The following KANSL1 variants were observed in gnomAD, a reference collection of about 807,000 sequenced individuals.
KANSL1 encodes the protein KAT8 regulatory NSL complex subunit 1.
In KANSL1, 22 loss-of-function variants were observed where a neutral mutation model predicts 103.6. That is an observed-to-expected ratio of 0.21 (90% CI 0.15 to 0.30). The LOEUF (loss-of-function observed/expected upper bound fraction) is 0.30. Among genes scored for constraint, KANSL1 ranks in the 10% least tolerant of loss-of-function variants. The pLI, the probability that KANSL1 is intolerant of heterozygous loss-of-function variation, is 1.00. For synonymous variants in KANSL1, 600 were observed against 527.6 expected (o/e 1.14, Z -1.88); for missense variants, 1,337 against 1,399.8 (o/e 0.96, Z 0.72).
intron 3 of KANSL1, among the ~76,000 whole-genome samples, chr17:46,083,443 G>A (rs1429300785): frequency 6.6e-6 from 1 of 152,094 alleles, no homozygotes; most frequent in Non-Finnish European, 1.5e-5. Flanking sequence ...ATCACCTGGG[G>A]AACCTTATCA....
At chr17:46,124,807 AAT>A (rs1228551465) in intron 2 of KANSL1, among the ~76,000 whole-genome samples, 2 of 152,004 alleles carry the variant, frequency 1.3e-5, no homozygotes, top group African/African-American at 4.8e-5. Context: ...CAGAATTAGA[AAT>A]AGAGCCTGAA....
Position 46,098,830 on chromosome 17 carries a change from C to A in KANSL1, c.1290-4129G>T, listed in dbSNP as rs369392919. Among the ~76,000 whole-genome samples the A allele has an allele frequency of 1.2e-4, 19 of 152,336 alleles. No individual in the cohort carries two copies. In the East Asian group the frequency reaches 3.5e-3, roughly 28 times the overall value. ...ATCATCTCCAATGAAAAATGGAAAA[C>A]CACAACTCAAGCGTCCAAGAAGTAT... On this transcript the variant is annotated intron_variant, in intron 2 of 14. Transcript: ENST00000432791.
Position 46,192,842 on chromosome 17 carries a change from G to C in KANSL1, c.-109C>G, listed in dbSNP as rs1327879666. 1 of 154,048 alleles carries C rather than the reference G, an allele frequency of 6.5e-6. No individual in the cohort carries two copies. Among genetic ancestry groups the C allele is most frequent in the Middle Eastern group, 3.2e-3 (1 of 316 alleles). The allele number at this position is 154,048 out of a possible 1,614,324, so 9.5% of individuals were successfully genotyped here. A position where few individuals can be genotyped will look rare whatever the true frequency, so the allele number is the denominator to read the frequency against. ...ACCTACCACGTGATGGAGGAGCGTAGCCCGGGCGGATTCAGCCCCACAAAA... is the reference window on the plus strand; with the variant it reads ...ACCTACCACGTGATGGAGGAGCGTACCCCGGGCGGATTCAGCCCCACAAAA... On this transcript the variant is annotated 5_prime_UTR_variant, in exon 1 of 15. Coordinates refer to ENST00000432791, the MANE Select transcript of KANSL1 (RefSeq NM_015443.4).
At chr17:46,122,053 T>C (rs1419618233) in intron 2 of KANSL1, among the ~76,000 whole-genome samples, 1 of 152,204 alleles carries the variant, frequency 6.6e-6, no homozygotes, top group African/African-American at 2.4e-5. Context: ...TTTCACACGA[T>C]AATAAAGTTG....
At chr17:46,046,219 C>G (rs2077499142) in intron 7 of KANSL1, 1 of 152,190 alleles carries the variant, frequency 6.6e-6, no homozygotes, top group Non-Finnish European at 1.5e-5. Context: ...TCCTTGAGCA[C>G]TAACACTGAA....
At chr17:46,184,246 G>A (rs922672049) in intron 1 of KANSL1, among the ~76,000 whole-genome samples, 10 of 147,354 alleles carry the variant, frequency 6.8e-5, no homozygotes, top group African/African-American at 2.4e-4. Context: ...ATTTTGAAAG[G>A]TGAGGTGGTG....
At chr17:46,107,129 C>A (rs2042600330) in intron 2 of KANSL1, among the ~76,000 whole-genome samples, 1 of 152,220 alleles carries the variant, frequency 6.6e-6, no homozygotes, top group South Asian at 2.1e-4. Flanking sequence ...AAGAGCATCT[C>A]AGACAGGCTC....
chr17:46,182,105 G>C (rs2046822542), intron 1 of KANSL1, among the ~76,000 whole-genome samples: 1 of 152,186 alleles, frequency 6.6e-6, no homozygotes, highest in South Asian at 2.1e-4. Context: ...TCTTTAGCGT[G>C]CTAACTTTAT....
chr17:46,109,529 C>A, intron 2 of KANSL1, among the ~76,000 whole-genome samples: 1 of 151,848 alleles, frequency 6.6e-6, no homozygotes, highest in African/African-American at 2.4e-5. Context: ...AAAAACCACA[C>A]CCCCACCAAA....
intron 2 of KANSL1, among the ~76,000 whole-genome samples, chr17:46,155,125 A>T (rs2045346199): frequency 6.7e-6 from 1 of 150,326 alleles, no homozygotes; most frequent in Non-Finnish European, 1.5e-5. Context: ...TAGGTACAGG[A>T]GGCCCTAATC....
chr17:46,058,741 ACACTCTCTCTCTCTCT>A (rs764110063), intron 6 of KANSL1, among the ~76,000 whole-genome samples: 20,814 of 71,036 alleles, frequency 0.29, 1,653 homozygotes, highest in South Asian at 0.45. Context: ...ACACACACAC[ACACTCTCTCTCTCTCT>A]CTCTCTCTCT....
At chr17:46,127,383 A>G (rs113638513) in intron 2 of KANSL1, among the ~76,000 whole-genome samples, 21,587 of 151,960 alleles carry the variant, frequency 0.14, 2,084 homozygotes, top group Non-Finnish European at 0.22. Context: ...TCAAGTTAGA[A>G]ACAGTTTTAA....
intron 1 of KANSL1, among the ~76,000 whole-genome samples, chr17:46,213,605 G>T (rs1251319597): frequency 1.3e-5 from 2 of 150,766 alleles, no homozygotes; most frequent in Non-Finnish European, 2.9e-5. Flanking sequence ...ACCGTGCCCG[G>T]CCCAAACGTT....
chr17:46,081,437 T>A (rs930498590), intron 4 of KANSL1, among the ~76,000 whole-genome samples: 2 of 152,216 alleles, frequency 1.3e-5, no homozygotes, highest in African/African-American at 4.8e-5. Context: ...ACTTAAATAG[T>A]GGCAAAACTT....
At chr17:46,188,205 T>C (rs1408720190) in intron 1 of KANSL1, among the ~76,000 whole-genome samples, 1 of 152,248 alleles carries the variant, frequency 6.6e-6, no homozygotes, top group African/African-American at 2.4e-5. Flanking sequence ...TCTGATAGCC[T>C]TCAAACGCTG....
intron 1 of KANSL1, among the ~76,000 whole-genome samples, chr17:46,191,919 C>A (rs2047349529): frequency 6.7e-6 from 1 of 150,260 alleles, no homozygotes; most frequent in South Asian, 2.1e-4. Flanking sequence ...AACTCCAGCC[C>A]CTACGAGTTG....
At chr17:46,085,154 A>G (rs186999214) in intron 3 of KANSL1, among the ~76,000 whole-genome samples, 38 of 152,320 alleles carry the variant, frequency 2.5e-4, no homozygotes, top group Non-Finnish European at 3.5e-4. Flanking sequence ...GTTTCAATGA[A>G]TGTGAAGCTG....
chr17:46,124,258 T>C (rs2043416448), intron 2 of KANSL1, among the ~76,000 whole-genome samples: 1 of 152,234 alleles, frequency 6.6e-6, no homozygotes, highest in Admixed American at 6.5e-5. Context: ...AAACAAATTA[T>C]GCTACATTTA....
chr17:46,161,423 G>A (rs376861687), intron 2 of KANSL1, among the ~76,000 whole-genome samples: 48 of 151,422 alleles, frequency 3.2e-4, no homozygotes, highest in Admixed American at 9.2e-4. Flanking sequence ...GCGACAGAGC[G>A]AGACTCTGTC....
Sources: gnomAD v4.1 joint callset for allele counts (sites outside exome capture counted in the v4.1 genomes callset) on GRCh38, gnomAD v4.1.1 for gene constraint, MANE v1.5 for transcripts, NCBI Gene and HGNC (gene_info 2026-07-23, HGNC 2026-07-21) for gene names.